The following SMTN variants were observed in gnomAD, a reference collection of about 807,000 sequenced individuals.
The protein encoded by SMTN is smoothelin.
In SMTN, 58 loss-of-function variants were observed where a neutral mutation model predicts 102.0. The observed-to-expected ratio is 0.57, with a 90% CI of 0.46 to 0.71. The LOEUF (loss-of-function observed/expected upper bound fraction) is 0.71. SMTN is among the 30% of genes least tolerant of loss of function. The pLI is 0.00. For missense variants in SMTN, 1,185 were observed against 1,241.7 expected (o/e 0.95, Z 0.69); for synonymous variants, 478 against 497.9 (o/e 0.96, Z 0.53).
chr22:31,090,980 C>G lies in SMTN; in HGVS notation c.957C>G (p.Ser319Arg). ...AQNRESTPLA[S>R]GPSSFQRAGS... is the part of the protein sequence containing the mutation. ...TTCTAGAGTCCACCCCCCTTGCCAGCGGACCTTCCTCATTCCAGCGGGCTG... is the reference window on the plus strand; with the variant it reads ...TTCTAGAGTCCACCCCCCTTGCCAGGGGACCTTCCTCATTCCAGCGGGCTG... Residue 319 changes from serine (S) to arginine (R), a missense_variant, in exon 10 of 21, where the codon AGC (serine) becomes AGG (arginine). Coordinates refer to ENST00000333137, the MANE Select transcript of SMTN (RefSeq NM_134269.3). The G allele has an allele frequency of 6.2e-7, 1 of 1,613,218 alleles. No homozygotes were observed. Among genetic ancestry groups the G allele is most frequent in the Non-Finnish European group, 8.5e-7 (1 of 1,179,434 alleles).
chr22:31,083,442 G>C, intron 2 of SMTN, 133 bp downstream of exon 2: 4 of 1,120,964 alleles, frequency 3.6e-6, no homozygotes, highest in Non-Finnish European at 4.9e-6. Flanking sequence ...TGGGAACAGG[G>C]GTAGGCCAGT....
chr22:31,083,359 G>A lies in SMTN; in HGVS notation c.51+50G>A, dbSNP rs751406841. On this transcript the variant is annotated intron_variant, in intron 2 of 20. Coordinates refer to ENST00000333137, the MANE Select transcript of SMTN (RefSeq NM_134269.3). The stretch of plus-strand genomic sequence containing the variant: ...GGGGACAGGAAAGCCAAGCCAGAGA[G>A]GCAGGGTCAATCCAGGGTACCTCTC... 9 of 1,497,608 alleles carry A rather than the reference G, an allele frequency of 6.0e-6. No homozygotes were observed. In the East Asian group the frequency reaches 1.9e-4, roughly 31 times the overall value. The allele number at this position is 1,497,608 out of a possible 1,614,324, so 92.8% of individuals were successfully genotyped here. A position where few individuals can be genotyped will look rare whatever the true frequency, so the allele number is the denominator to read the frequency against.
At chr22:31,102,219 G>C (rs1349323443) in intron 20 of SMTN, 1 of 152,206 alleles carries the variant, frequency 6.6e-6, no homozygotes, top group Non-Finnish European at 1.5e-5. Flanking sequence ...CAGACAAGGA[G>C]CTCAGAGAGA....
At chr22:31,071,191 G>A in intron 1 of SMTN, among the ~76,000 whole-genome samples, 1 of 146,774 alleles carries the variant, frequency 6.8e-6, no homozygotes, top group Middle Eastern at 3.6e-3. Flanking sequence ...AGTGAGCCAT[G>A]ATTGCGCCAC....
intron 1 of SMTN, among the ~76,000 whole-genome samples, chr22:31,069,130 G>A (rs544912075): frequency 2.3e-4 from 35 of 152,174 alleles, no homozygotes; most frequent in Non-Finnish European, 4.6e-4. Context: ...TTAGAAGACC[G>A]GAGGCGGGGT....
chr22:31,076,399 G>A (rs1332475416), upstream of SMTN, among the ~76,000 whole-genome samples: 1 of 152,204 alleles, frequency 6.6e-6, no homozygotes, highest in East Asian at 1.9e-4. Flanking sequence ...CTGCTGAGGG[G>A]GAAGGGCCTA....
intron 16 of SMTN, 21 bp from the exon 17 acceptor site, chr22:31,098,637 CTGCCTAACA>C: frequency 6.2e-7 from 1 of 1,608,746 alleles, no homozygotes; most frequent in Non-Finnish European, 8.5e-7. Context: ...CCTGCTCTCC[CTGCCTAACA>C]TGCGCCTCCC....
intron 1 of SMTN, chr22:31,082,275 G>A (rs1480898971): frequency 8.2e-6 from 2 of 242,638 alleles, no homozygotes; most frequent in Non-Finnish European, 1.7e-5. Flanking sequence ...ACAGGAGGAA[G>A]GAGAGATCTG....
chr22:31,088,480 G>A, intron 3 of SMTN, 33 bp from the exon 4 acceptor site: 1 of 1,580,336 alleles, frequency 6.3e-7, no homozygotes, highest in Non-Finnish European at 8.7e-7. Context: ...CCTGGCCATG[G>A]CAGTGGTGGT....
chr22:31,083,216 G>C lies in SMTN; in HGVS notation c.-43G>C. The C allele has an allele frequency of 6.3e-7, 1 of 1,591,980 alleles. No individual in the cohort carries two copies. The highest frequency in any genetic ancestry group is 8.5e-7 in the Non-Finnish European group (1 of 1,171,402). On this transcript the variant is annotated 5_prime_UTR_variant, in exon 2 of 21. Coordinates refer to ENST00000333137, the MANE Select transcript of SMTN (RefSeq NM_134269.3). ...TGGTGACAGGTGCCACAGGCACTGG[G>C]GATCTCACCAGAAAGGAACCGACGG...
intron 20 of SMTN, chr22:31,103,815 A>G (rs1366926493): frequency 6.4e-6 from 1 of 156,986 alleles, no homozygotes; most frequent in Admixed American, 6.1e-5. Context: ...GGGCCTCTCA[A>G]CAGGAAGTAC....
At chr22:31,085,731 G>A (rs1016058435) in intron 2 of SMTN, among the ~76,000 whole-genome samples, 2 of 152,368 alleles carry the variant, frequency 1.3e-5, no homozygotes, top group East Asian at 3.9e-4. Flanking sequence ...AGGAGACACT[G>A]TGGTCCAACC....
At chr22:31,097,540 C>T (rs1286880791) in intron 16 of SMTN, among the ~76,000 whole-genome samples, 1 of 151,924 alleles carries the variant, frequency 6.6e-6, no homozygotes, top group Non-Finnish European at 1.5e-5. Flanking sequence ...CTCATCTCTA[C>T]TAAAAATACA....
upstream of SMTN, chr22:31,080,854 T>A (rs1394933089): frequency 6.6e-6 from 1 of 152,246 alleles, no homozygotes; most frequent in African/African-American, 2.4e-5. Flanking sequence ...AGTCACTCAG[T>A]CCCTGCTCTG....
At chr22:31,096,707 G>A (rs909641124) in intron 13 of SMTN, 26 bp from the exon 14 acceptor site, 31 of 1,506,246 alleles carry the variant, frequency 2.1e-5, no homozygotes, top group African/African-American at 2.8e-5. Flanking sequence ...GCCCTTTTGC[G>A]CATGCATGGG....
chr22:31,079,744 G>A (rs1033230874), upstream of SMTN, among the ~76,000 whole-genome samples: 3 of 152,182 alleles, frequency 2.0e-5, no homozygotes, highest in African/African-American at 4.8e-5. Flanking sequence ...TTGACAAGTC[G>A]CTTTCTTCTG....
chr22:31,099,418 C>G, intron 18 of SMTN: 1 of 589,684 alleles, frequency 1.7e-6, no homozygotes, highest in South Asian at 2.1e-5. Context: ...GGTTCAAGGC[C>G]GGATCCCACT....
At chr22:31,085,747 C>T (rs1035769606) in intron 2 of SMTN, among the ~76,000 whole-genome samples, 17 of 152,246 alleles carry the variant, frequency 1.1e-4, no homozygotes, top group African/African-American at 4.1e-4. Flanking sequence ...CAACCTTTGC[C>T]TCCAGGCCCA....
Position 31,095,467 on chromosome 22 carries a change from T to C in SMTN, c.1785+12T>C. ...TCTTGGACAAGATGGTATAGCCAGA[T>C]CCGGTGGGCTGGGGGTTGGCAGAGG... On this transcript the variant is annotated intron_variant, in intron 12 of 20. Transcript: ENST00000333137. The surrounding 1 kb of genome is among the most constrained non-coding windows in gnomAD (Gnocchi z 4.1). The C allele has an allele frequency of 6.2e-7, 1 of 1,614,186 alleles. No individual in the cohort carries two copies. Among genetic ancestry groups the C allele is most frequent in the Non-Finnish European group, 8.5e-7 (1 of 1,180,028 alleles).
Sources: allele counts gnomAD v4.1 joint callset (sites outside exome capture counted in the v4.1 genomes callset), GRCh38; gene constraint gnomAD v4.1.1; non-coding constraint Gnocchi (gnomAD v3.1); transcripts MANE v1.5; gene names NCBI Gene and HGNC (gene_info 2026-07-23, HGNC 2026-07-21).